Variants in DNM1L observed in about 807,000 individuals in gnomAD.
DNM1L encodes dynamin-1-like protein.
A neutral mutation model predicts 92.8 loss-of-function variants in DNM1L; 33 were observed. The observed-to-expected ratio is 0.36, with a 90% CI of 0.27 to 0.48. The LOEUF (loss-of-function observed/expected upper bound fraction) is 0.48. Among genes scored for constraint, DNM1L ranks in the 20% least tolerant of loss-of-function variants. The pLI is 0.99. For synonymous variants in DNM1L, 284 were observed against 305.0 expected (o/e 0.93, Z 0.72); for missense variants, 485 against 888.8 (o/e 0.55, Z 5.78).
Position 32,737,861 on chromosome 12 carries a change from T to TTA in DNM1L, c.1597-3_1597-2dup, listed in dbSNP as rs768493019. The TTA allele has an allele frequency of 6.5e-5, 105 of 1,614,002 alleles. No homozygotes were observed. The East Asian group carries it at 2.2e-3, about 34-fold the overall frequency. Reference sequence around the variant, plus strand: ...TTTTTCCCCCCTGGATTTTTTGCCTTTAGTCTTCTAAAGTTCCAAGTGCTT... The same window carrying TTA: ...TTTTTCCCCCCTGGATTTTTTGCCTTTATAGTCTTCTAAAGTTCCAAGTGCTT... On this transcript the variant is annotated splice_region_variant and splice_polypyrimidine_tract_variant and intron_variant, in intron 14 of 19. Coordinates refer to ENST00000549701, the MANE Select transcript of DNM1L (RefSeq NM_012062.5).
intron 1 of DNM1L, among the ~76,000 whole-genome samples, chr12:32,699,641 C>T (rs1279314296): frequency 6.6e-6 from 1 of 151,792 alleles, no homozygotes; most frequent in Non-Finnish European, 1.5e-5. Context: ...ACTAAAAATA[C>T]AAAACCGCTG....
intron 4 of DNM1L, among the ~76,000 whole-genome samples, chr12:32,710,036 A>G (rs1449887993): frequency 1.3e-5 from 2 of 152,108 alleles, no homozygotes; most frequent in African/African-American, 2.4e-5. Flanking sequence ...AAAGAAGGGC[A>G]TGTACAAAGA....
intron 3 of DNM1L, 92 bp downstream of exon 3, chr12:32,707,505 C>T (rs972465102): frequency 5.7e-5 from 52 of 911,674 alleles, no homozygotes; most frequent in African/African-American, 1.1e-4. Flanking sequence ...TTGGCAATTA[C>T]GTTATTTTAA....
intron 1 of DNM1L, among the ~76,000 whole-genome samples, chr12:32,694,730 T>G (rs1952372081): frequency 6.6e-6 from 1 of 152,138 alleles, no homozygotes; most frequent in African/African-American, 2.4e-5. Context: ...TGACTATGTT[T>G]CTCTACAAAC....
At chr12:32,697,266 A>G (rs1269736271) in intron 1 of DNM1L, among the ~76,000 whole-genome samples, 1 of 152,120 alleles carries the variant, frequency 6.6e-6, no homozygotes, top group Non-Finnish European at 1.5e-5. Context: ...AATATGCTAG[A>G]ATTTGAAGAA....
rs185649649 is a variant in DNM1L at position 32,727,307 on chromosome 12, C to A, written c.1080-3707C>A. On this transcript the variant is annotated intron_variant, in intron 9 of 19. Coordinates refer to ENST00000549701, the MANE Select transcript of DNM1L (RefSeq NM_012062.5). ...CTTCTATCTGTGCACCTTTAACTTG[C>A]AGGTTTTTGAGAGCATTCACTCCTC... The A allele has an allele frequency of 2.0e-4, 202 of 989,752 alleles. 1 individual carries two copies. In the African/African-American group the frequency reaches 2.9e-3, roughly 14 times the overall value. 61.3% of individuals were successfully genotyped at this position (989,752 alleles called of 1,614,324 possible). A position where few individuals can be genotyped will look rare whatever the true frequency, so the allele number is the denominator to read the frequency against.
chr12:32,694,153 G>T (rs755333776), intron 1 of DNM1L, among the ~76,000 whole-genome samples: 39 of 152,130 alleles, frequency 2.6e-4, no homozygotes, highest in Non-Finnish European at 4.4e-4. Context: ...GCACAGTCTT[G>T]GCTCACTACA....
rs573654686 is a variant in DNM1L at position 32,744,610 on chromosome 12, G to A, written c.*1200G>A. 1 of 256,254 alleles carries A rather than the reference G, an allele frequency of 3.9e-6. No individual in the cohort carries two copies. The highest frequency in any genetic ancestry group is 1.4e-4 in the East Asian group (1 of 7,172). 15.9% of individuals were successfully genotyped at this position (256,254 alleles called of 1,614,324 possible). ...TGCCTGTAATCCCAGCTACTCGGGA[G>A]GGTGAGGCAGGAGAATTGCTTGACC... On this transcript the variant is annotated 3_prime_UTR_variant, in exon 20 of 20. Coordinates refer to ENST00000549701, the MANE Select transcript of DNM1L (RefSeq NM_012062.5).
chr12:32,719,112 G>T (rs1953686144), intron 7 of DNM1L, among the ~76,000 whole-genome samples: 2 of 152,002 alleles, frequency 1.3e-5, no homozygotes, highest in South Asian at 2.1e-4. Context: ...CACCACACCT[G>T]GCTAATTTTA....
chr12:32,744,941 G>A lies in DNM1L; in HGVS notation c.*1531G>A. The A allele has an allele frequency of 1.9e-6, 1 of 518,574 alleles. No homozygotes were observed. Among genetic ancestry groups the A allele is most frequent in the Non-Finnish European group, 3.9e-6 (1 of 259,738 alleles). 32.1% of individuals were successfully genotyped at this position (518,574 alleles called of 1,614,324 possible). A position where few individuals can be genotyped will look rare whatever the true frequency, so the allele number is the denominator to read the frequency against. ...TAATAGACAACACATTTATATTGCA[G>A]ATATTACTTTTTTTTCAGTTTATGA... On this transcript the variant is annotated 3_prime_UTR_variant, in exon 20 of 20. Transcript: ENST00000549701.
At chr12:32,736,076 T>TTC (rs1193412586) in intron 13 of DNM1L, among the ~76,000 whole-genome samples, 1 of 147,516 alleles carries the variant, frequency 6.8e-6, no homozygotes, top group African/African-American at 2.5e-5. Flanking sequence ...TCTTTTTTTT[T>TTC]TTTTTTTTTT....
At chr12:32,739,867 G>C in intron 16 of DNM1L, 197 bp from the exon 17 acceptor site, 3 of 638,540 alleles carry the variant, frequency 4.7e-6, no homozygotes, top group Non-Finnish European at 5.4e-6. Flanking sequence ...ACTTAGAGCA[G>C]AACTTCTTTA....
chr12:32,712,811 C>T (rs1288386606), intron 5 of DNM1L, among the ~76,000 whole-genome samples: 1 of 151,980 alleles, frequency 6.6e-6, no homozygotes, highest in Non-Finnish European at 1.5e-5. Context: ...ATAAGTTCTA[C>T]GAAGGCAGAA....
intron 4 of DNM1L, chr12:32,709,535 C>T (rs1953046825): frequency 6.6e-6 from 1 of 152,194 alleles, no homozygotes; most frequent in South Asian, 2.1e-4. Context: ...AGCAGCTTTT[C>T]ATCCACAGTG....
chr12:32,730,905 A>G, intron 9 of DNM1L, 109 bp from the exon 10 acceptor site: 1 of 1,500,348 alleles, frequency 6.7e-7, no homozygotes, highest in South Asian at 1.1e-5. Flanking sequence ...TGTTTATCTG[A>G]GGCTTTCTCA....
At chr12:32,705,383 T>A (rs1277853999) in intron 2 of DNM1L, 1 of 152,712 alleles carries the variant, frequency 6.5e-6, no homozygotes, top group East Asian at 1.9e-4. Context: ...TTATTAATTT[T>A]AAAAATTTAA....
rs148166826 is a variant in DNM1L at position 32,732,660 on chromosome 12, C to G, written c.1446+717C>G. 4.1e-4 allele frequency: 183 copies of G among 447,698 alleles called. 1 individual carries two copies. The highest frequency in any genetic ancestry group is 3.3e-3 in the African/African-American group (166 of 49,580). The allele number at this position is 447,698 out of a possible 1,614,324, so 27.7% of individuals were successfully genotyped here. A position where few individuals can be genotyped will look rare whatever the true frequency, so the allele number is the denominator to read the frequency against. ...CTTTAGCAAGGATAGCCCTCAGATT[C>G]TGATGTCTAAGACTGAATTTAGCCC... On this transcript the variant is annotated intron_variant, in intron 12 of 19. Coordinates refer to ENST00000549701, the MANE Select transcript of DNM1L (RefSeq NM_012062.5).
intron 6 of DNM1L, 139 bp from the exon 7 acceptor site, chr12:32,718,504 A>C: frequency 9.6e-7 from 1 of 1,043,744 alleles, no homozygotes; most frequent in African/African-American, 1.6e-5. Context: ...CTGGTAAGTA[A>C]GGCATTACCA....
In DNM1L at chr12:32,737,882, T is replaced by C. The variant is rs1026588175; in HGVS notation, c.1614T>C (p.Ser538=). The C allele has an allele frequency of 6.2e-7, 1 of 1,614,088 alleles. No homozygotes were observed. Among genetic ancestry groups the C allele is most frequent in the African/African-American group, 1.3e-5 (1 of 75,036 alleles). The change falls in exon 15 of 20, where the codon AGT becomes AGC. Residue 538 remains serine (S), a synonymous_variant. Coordinates refer to ENST00000549701, the MANE Select transcript of DNM1L (RefSeq NM_012062.5). ...GCCTTTAGTCTTCTAAAGTTCCAAG[T>C]GCTTTGGCACCTGCCTCCCAGGAGC... The part of the protein sequence containing the change: ...VSRDKSSKVP[S]ALAPASQEPS...
Sources: gnomAD v4.1 joint callset for allele counts (sites outside exome capture counted in the v4.1 genomes callset) on GRCh38, gnomAD v4.1.1 for gene constraint, MANE v1.5 for transcripts, NCBI Gene and HGNC (gene_info 2026-07-23, HGNC 2026-07-21) for gene names.